The following CACNB2 variants were observed in gnomAD, a reference collection of about 807,000 sequenced individuals.
CACNB2 encodes calcium voltage-gated channel auxiliary subunit beta 2.
A neutral mutation model predicts 73.3 loss-of-function variants in CACNB2; 42 were observed. That is an observed-to-expected ratio of 0.57 (90% CI 0.45 to 0.74). The LOEUF is 0.74. CACNB2 is among the 30% of genes least tolerant of loss of function. The pLI is 0.00. For missense variants in CACNB2, 940 were observed against 853.0 expected, an observed-to-expected ratio of 1.10 and a Z score of -1.27; for synonymous variants, 348 against 310.3, an observed-to-expected ratio of 1.12 and a Z score of -1.28.
intron 2 of CACNB2, among the ~76,000 whole-genome samples, chr10:18,195,862 A>G (rs947665033): frequency 6.6e-6 from 1 of 152,112 alleles, no homozygotes; most frequent in Non-Finnish European, 1.5e-5. Flanking sequence ...ATCAGAGTCA[A>G]CTCTTTGGTA....
At chr10:18,535,665 T>C (rs1303951682) in intron 11 of CACNB2, among the ~76,000 whole-genome samples, 1 of 151,858 alleles carries the variant, frequency 6.6e-6, no homozygotes, top group Non-Finnish European at 1.5e-5. Flanking sequence ...CCTAGCTACT[T>C]GGGAGGCTGA....
intron 3 of CACNB2, among the ~76,000 whole-genome samples, chr10:18,483,313 C>A (rs1324853939): frequency 1.3e-5 from 2 of 151,606 alleles, no homozygotes; most frequent in Non-Finnish European, 2.9e-5. Context: ...GGTGGATCAC[C>A]TGAGGTCAGG....
chr10:18,466,969 C>A (rs1253137141), intron 3 of CACNB2, among the ~76,000 whole-genome samples: 1 of 152,106 alleles, frequency 6.6e-6, no homozygotes, highest in Non-Finnish European at 1.5e-5. Flanking sequence ...GCCTGGCCAA[C>A]ATGGTGAAAT....
chr10:18,302,308 A>G (rs2039553118), intron 2 of CACNB2, among the ~76,000 whole-genome samples: 1 of 152,160 alleles, frequency 6.6e-6, no homozygotes. Flanking sequence ...CAGTCTTCCA[A>G]GCTGCTTGCA....
At chr10:18,473,328 A>C (rs2048285028) in intron 3 of CACNB2, among the ~76,000 whole-genome samples, 1 of 152,238 alleles carries the variant, frequency 6.6e-6, no homozygotes, top group Admixed American at 6.5e-5. Flanking sequence ...ATTGATAAAT[A>C]CACAGGTAAT....
At position 18,371,301 on chromosome 10, in the gene CACNB2, A is replaced by G. The variant is rs2042572094; in HGVS notation, c.214-30623A>G. 3.9e-5 allele frequency among the ~76,000 whole-genome samples: 6 copies of G among 152,118 alleles called. No individual in the cohort carries two copies. The South Asian group carries it at 1.2e-3, about 32-fold the overall frequency. On this transcript the variant is annotated intron_variant, in intron 2 of 13. Transcript: ENST00000324631. ...TACATGTGCCATGTTGGTGTGCTGC[A>G]CCCATTAACTTGTCATTTAACATTA...
At chr10:18,443,714 A>AT (rs1483604968) in intron 3 of CACNB2, among the ~76,000 whole-genome samples, 34 of 112,484 alleles carry the variant, frequency 3.0e-4, no homozygotes, top group Admixed American at 7.4e-4. Flanking sequence ...ATTCCTACAT[A>AT]CCTTTTTTTT....
intron 2 of CACNB2, among the ~76,000 whole-genome samples, chr10:18,179,500 T>C (rs2033769592): frequency 6.6e-6 from 1 of 152,246 alleles, no homozygotes; most frequent in Admixed American, 6.5e-5. Flanking sequence ...GGTTCAGTTT[T>C]TTGGAACCAA....
chr10:18,333,207 C>T (rs965498809), intron 2 of CACNB2, among the ~76,000 whole-genome samples: 2 of 152,076 alleles, frequency 1.3e-5, no homozygotes, highest in African/African-American at 2.4e-5. Flanking sequence ...TTGAATTCAA[C>T]GCGCTTTCTC....
At chr10:18,431,950 A>C (rs1029673640) in intron 3 of CACNB2, among the ~76,000 whole-genome samples, 16 of 152,160 alleles carry the variant, frequency 1.1e-4, no homozygotes, top group Non-Finnish European at 1.9e-4. Context: ...TTTTTAGTGC[A>C]AATAGGGTTT....
At chr10:18,171,884 C>A (rs1319767467) in intron 2 of CACNB2, among the ~76,000 whole-genome samples, 3 of 152,028 alleles carry the variant, frequency 2.0e-5, no homozygotes, top group Non-Finnish European at 4.4e-5. Context: ...TCAGTGTCTG[C>A]CCCTCACCTC....
chr10:18,515,785 G>T (rs1453998040), intron 7 of CACNB2, among the ~76,000 whole-genome samples: 2 of 152,188 alleles, frequency 1.3e-5, no homozygotes, highest in Non-Finnish European at 2.9e-5. Flanking sequence ...TAGAAAATCG[G>T]CATCGCTAAG....
At chr10:18,464,640 TATA>T (rs1241750639) in intron 3 of CACNB2, among the ~76,000 whole-genome samples, 1 of 152,118 alleles carries the variant, frequency 6.6e-6, no homozygotes, top group African/African-American at 2.4e-5. Context: ...CTGTTGTTTC[TATA>T]ATAACTCTAA....
chr10:18,209,699 C>T (rs2035240201), intron 2 of CACNB2, among the ~76,000 whole-genome samples: 1 of 151,966 alleles, frequency 6.6e-6, no homozygotes, highest in African/African-American at 2.4e-5. Context: ...TTAAGTAGTG[C>T]CGACAAATTT....
chr10:18,504,461 T>C (rs1412998248), intron 5 of CACNB2, among the ~76,000 whole-genome samples: 1 of 152,186 alleles, frequency 6.6e-6, no homozygotes, highest in Non-Finnish European at 1.5e-5. Flanking sequence ...GGACTCTGAG[T>C]TATCCGTATT....
chr10:18,461,729 T>C (rs1433377996), intron 3 of CACNB2, among the ~76,000 whole-genome samples: 2 of 147,372 alleles, frequency 1.4e-5, no homozygotes, highest in Non-Finnish European at 3.0e-5. Context: ...CCCCCAGCTG[T>C]GCAGGAGACC....
chr10:18,474,041 A>G (rs2048320552), intron 3 of CACNB2, among the ~76,000 whole-genome samples: 1 of 152,194 alleles, frequency 6.6e-6, no homozygotes. Context: ...TTTATCTCTA[A>G]TAGTTAAGAT....
At chr10:18,345,777 T>A (rs1202474907) in intron 2 of CACNB2, among the ~76,000 whole-genome samples, 1 of 152,180 alleles carries the variant, frequency 6.6e-6, no homozygotes, top group Admixed American at 6.5e-5. Flanking sequence ...TAATTAGAAA[T>A]CAACAGATAG....
At chr10:18,498,893 C>A (rs543458924) in intron 4 of CACNB2, 96 of 200,372 alleles carry the variant, frequency 4.8e-4, no homozygotes, top group Admixed American at 9.2e-4. Flanking sequence ...TGTCTCAATA[C>A]AAACTACTGA....
Sources: gnomAD v4.1 joint callset for allele counts (sites outside exome capture counted in the v4.1 genomes callset) on GRCh38, gnomAD v4.1.1 for gene constraint, MANE v1.5 for transcripts, NCBI Gene and HGNC (gene_info 2026-07-23, HGNC 2026-07-21) for gene names.